The following ITPR3 variants were observed in gnomAD, a reference collection of about 807,000 sequenced individuals.
ITPR3 encodes the protein inositol 1,4,5-trisphosphate-gated calcium channel ITPR3.
A neutral mutation model predicts 293.2 loss-of-function variants in ITPR3; 173 were observed. The observed-to-expected ratio is 0.59, with a 90% confidence interval of 0.52 to 0.67. The LOEUF (loss-of-function observed/expected upper bound fraction) is 0.67, where lower values mean the gene tolerates loss of function less well. Ranked by LOEUF, ITPR3 falls within the 30% of genes least tolerant of loss-of-function variation. ITPR3 has a pLI of 0.00. For missense variants in ITPR3, 2,796 were observed against 3,592.1 expected, an observed-to-expected ratio of 0.78 and a Z score of 5.66; for synonymous variants, 1,295 against 1,444.4, an observed-to-expected ratio of 0.90 and a Z score of 2.35.
chr6:33,669,007 C>T lies in ITPR3; in HGVS notation c.2040C>T (p.His680=). ...LRPVKEMAQS[H]EYLSIEYSEE... ...CCGTGAAGGAGATGGCCCAATCCCA[C>T]GAGTACCTGAGCATCGAGTACTCAG... The change falls in exon 18 of 58, where the codon CAC becomes CAT. Residue 680 remains histidine, a synonymous_variant. Transcript: ENST00000605930. 3.1e-6 allele frequency: 5 copies of T among 1,614,024 alleles called. No homozygotes were observed. Among genetic ancestry groups the T allele is most frequent in the South Asian group, 1.1e-5 (1 of 91,082 alleles).
chr6:33,621,634 G>T lies in ITPR3; in HGVS notation c.32G>T (p.Gly11Val). 6.2e-7 allele frequency: 1 copy of T among 1,609,402 alleles called. No individual in the cohort carries two copies. Residue 11 changes from glycine to valine, a missense_variant, in exon 1 of 58, where the codon GGG becomes GTG. Transcript: ENST00000605930. The surrounding 1 kb of genome is among the most constrained non-coding windows in gnomAD (Gnocchi z 7.7). ...GAAATGTCCAGCTTTCTTCACATCG[G>T]GGACATCGTCTCCCTGTACGCCGAG... MSEMSSFLHI[G>V]DIVSLYAEGS... is the part of the protein sequence containing the mutation.
chr6:33,674,535 T>G (rs1764855655), intron 24 of ITPR3, among the ~76,000 whole-genome samples: 1 of 152,198 alleles, frequency 6.6e-6, no homozygotes, highest in African/African-American at 2.4e-5. Flanking sequence ...GTCAGGTAGC[T>G]GGACAGCTGG....
Position 33,665,103 on chromosome 6 carries a change from A to G in ITPR3, c.1299A>G (p.Ser433=), listed in dbSNP as rs753117025. The change falls in exon 13 of 58, where the codon TCA becomes TCG. Residue 433 remains serine (S), a synonymous_variant. Coordinates refer to ENST00000605930, the MANE Select transcript of ITPR3 (RefSeq NM_002224.4). ...ACAAGGAGGCCTTTGCCATCGTGTC[A>G]GTGCCCGTGTCTGAGATCCGAGACC... The part of the protein sequence containing the change: ...KEDKEAFAIV[S]VPVSEIRDLD... 8 of 1,614,002 alleles carry G rather than the reference A, an allele frequency of 5.0e-6. No homozygotes were observed. The highest frequency in any genetic ancestry group is 1.3e-5 in the African/African-American group (1 of 74,934).
Position 33,688,686 on chromosome 6 carries a change from G to A in ITPR3, c.6599G>A (p.Arg2200His), listed in dbSNP as rs1486387851. ...CCGCTGATCTACTGGTTCTCCCGCC[G>A]CATGACCCTGTGGGGCAGCATCTCC... is the stretch of plus-strand genomic sequence containing the variant. ...SMPLIYWFSR[R>H]MTLWGSISFN... Residue 2200 changes from arginine (R) to histidine (H), a missense_variant, in exon 49 of 58, where the codon CGC becomes CAC. Physicochemically the swap from Arg to His is conservative, Grantham distance 29. Around this residue, in one of 8 missense-constraint regions of ITPR3, gnomAD observed 568 missense variants for 796.1 expected, o/e 0.71. Transcript: ENST00000605930. 12 of 1,614,168 alleles carry A rather than the reference G, an allele frequency of 7.4e-6. No individual in the cohort carries two copies. Among genetic ancestry groups the A allele is most frequent in the Middle Eastern group, 1.6e-4 (1 of 6,062 alleles).
rs183870497 is a variant in ITPR3 at position 33,646,401 on chromosome 6, A to T, written c.160+5847A>T. ...CCCTCCACCACTGCCTCTTTAGGTC[A>T]TCACTGTCTTTAATTGCTTATGTCT... On this transcript the variant is annotated intron_variant, in intron 2 of 57. Transcript: ENST00000605930. Among the ~76,000 whole-genome samples the T allele has an allele frequency of 8.7e-3, 1,021 of 117,870 alleles. 11 individuals carry two copies. The highest frequency in any genetic ancestry group is 0.029 in the African/African-American group (896 of 30,388). 77.3% of individuals were successfully genotyped at this position (117,870 alleles called of 152,430 possible). A position where few individuals can be genotyped will look rare whatever the true frequency, so the allele number is the denominator to read the frequency against.
In ITPR3 at chr6:33,669,122, A is replaced by T. The variant is rs762257425; in HGVS notation, c.2155A>T (p.Asn719Tyr). 6.2e-7 allele frequency: 1 copy of T among 1,613,982 alleles called. No homozygotes were observed. The highest frequency in any genetic ancestry group is 1.3e-5 in the African/African-American group (1 of 74,918). ...RQLAQEARAG[N>Y]AHDENVLSYY... ...GCTGGCCCAGGAGGCGCGGGCCGGC[A>T]ACGCCCACGACGAGAATGTGCTCAG... The change falls in exon 18 of 58, where the codon AAC becomes TAC. Residue 719 changes from asparagine (N) to tyrosine (Y), a missense_variant. By Grantham distance (143) the Asn-to-Tyr change is moderately radical. Transcript: ENST00000605930.
Position 33,679,022 on chromosome 6 carries a change from T to TG in ITPR3, c.3972+186dup, listed in dbSNP as rs1200557181. ...TGCAGATGTGGTAGAACTCAGCCTG[T>TG]GGGCCTGATAGAACTCAAGCAGGGT... On this transcript the variant is annotated intron_variant, in intron 30 of 57. Transcript: ENST00000605930. This position sits in a 1 kb window ranked among gnomAD's most constrained non-coding sequence, Gnocchi z 4.2. Among the ~76,000 whole-genome samples the TG allele has an allele frequency of 1.3e-5, 2 of 152,234 alleles. No homozygotes were observed. The highest frequency in any genetic ancestry group is 1.3e-4 in the Admixed American group (2 of 15,284).
chr6:33,694,090 C>T (rs1009701909), intron 56 of ITPR3, among the ~76,000 whole-genome samples: 17 of 152,144 alleles, frequency 1.1e-4, no homozygotes, highest in Admixed American at 5.2e-4. Flanking sequence ...AGACCCTGCC[C>T]GTGGCCAGTG....
Position 33,677,504 on chromosome 6 carries a change from A to G in ITPR3, c.3523A>G (p.Ile1175Val), listed in dbSNP as rs1483752660. The change falls in exon 28 of 58, where the codon ATC becomes GTC. Residue 1175 changes from isoleucine to valine, a missense_variant and splice_region_variant. This residue lies in a region of ITPR3 where 344 missense variants were observed against 460.3 expected (regional missense o/e 0.75). Transcript: ENST00000605930. Reference sequence around the variant, plus strand: ...TCTGGCTCACCCGCCTCCCCTGCAGATCCTGGAAAGGCTGAACAAGATGTG... The same window carrying G: ...TCTGGCTCACCCGCCTCCCCTGCAGGTCCTGGAAAGGCTGAACAAGATGTG... ...SSENYQIVKGILERLNKMCGV... is the reference protein window; with the variant it reads ...SSENYQIVKGVLERLNKMCGV... 1.2e-6 allele frequency: 2 copies of G among 1,613,768 alleles called. No homozygotes were observed. The highest frequency in any genetic ancestry group is 2.2e-5 in the East Asian group (1 of 44,884).
intron 57 of ITPR3, 80 bp downstream of exon 57, chr6:33,695,165 C>T: frequency 3.4e-6 from 5 of 1,482,658 alleles, no homozygotes; most frequent in Non-Finnish European, 4.6e-6. Context: ...CTTCCTGACC[C>T]ACCCTCTTCC....
In ITPR3 at chr6:33,666,605, GT is replaced by G. The variant is rs34014770; in HGVS notation, c.1552-511del. 1.9e-4 allele frequency among the ~76,000 whole-genome samples: 27 copies of G among 144,618 alleles called. No individual in the cohort carries two copies. The highest frequency in any genetic ancestry group is 2.1e-4 in the Admixed American group (3 of 14,534). 94.9% of individuals were successfully genotyped at this position (144,618 alleles called of 152,430 possible). On this transcript the variant is annotated intron_variant, in intron 14 of 57. Coordinates refer to ENST00000605930, the MANE Select transcript of ITPR3 (RefSeq NM_002224.4). This position sits in a 1 kb window ranked among gnomAD's most constrained non-coding sequence, Gnocchi z 5.1. ...TTCCCAGAATGTCTTTGTAAAGTTT[GT>G]TTTTTTTTTTTTAGAAACGAGGATC...
chr6:33,670,358 G>C lies in ITPR3; in HGVS notation c.2223G>C (p.Leu741Phe). The C allele has an allele frequency of 6.2e-7, 1 of 1,614,036 alleles. No individual in the cohort carries two copies. Among genetic ancestry groups the C allele is most frequent in the Non-Finnish European group, 8.5e-7 (1 of 1,180,040 alleles). The change falls in exon 19 of 58, where the codon TTG (leucine) becomes TTC (phenylalanine). Residue 741 changes from leucine (L) to phenylalanine (F), a missense_variant. Physicochemically the swap from Leu to Phe is conservative, Grantham distance 22 (BLOSUM62 0). Around this residue, in one of 8 missense-constraint regions of ITPR3, gnomAD observed 955 missense variants for 1,180.8 expected, o/e 0.81. Transcript: ENST00000605930. This position sits in a 1 kb window ranked among gnomAD's most constrained non-coding sequence, Gnocchi z 6.7. Reference sequence around the variant, plus strand: ...TGAAGCTCTTTGCCCGCATGTGCTTGGACCGCCAGTACTTGGCCATCGACG... The same window carrying C: ...TGAAGCTCTTTGCCCGCATGTGCTTCGACCGCCAGTACTTGGCCATCGACG... The part of the protein sequence containing the change: ...YQLKLFARMC[L>F]DRQYLAIDEI...
rs1182817186 is a variant in ITPR3, at chr6:33,665,211, C to G, written c.1407C>G (p.Arg469=). 1 of 1,612,968 alleles carries G rather than the reference C, an allele frequency of 6.2e-7. No homozygotes were observed. The highest frequency in any genetic ancestry group is 1.7e-5 in the Admixed American group (1 of 59,982). The change falls in exon 13 of 58, where the codon CGC becomes CGG. Residue 469 remains arginine (R), a splice_region_variant and synonymous_variant. Coordinates refer to ENST00000605930, the MANE Select transcript of ITPR3 (RefSeq NM_002224.4). The stretch of plus-strand genomic sequence containing the variant: ...AGGGCTTCATCAGCCAGAATGACCG[C>G]AGGTGGGCTGCAGTGGCACAGGGGT... ...LNEGFISQND[R]RFVIQLLEDL...
rs983272874 is a variant in ITPR3 at position 33,624,628 on chromosome 6, C to T, written c.89+2937C>T. ...GAACTCTGGTCCCCTCTGCTTTTCC[C>T]GAGGCTGTTGGTGCCCATGTCTGTG... On this transcript the variant is annotated intron_variant, in intron 1 of 57. Transcript: ENST00000605930. The surrounding 1 kb of genome is among the most constrained non-coding windows in gnomAD (Gnocchi z 4.7). 1.3e-5 allele frequency among the ~76,000 whole-genome samples: 2 copies of T among 152,232 alleles called. No homozygotes were observed. The highest frequency in any genetic ancestry group is 2.1e-4 in the South Asian group (1 of 4,832).
At chr6:33,635,948 GGT>G (rs1237140660) in intron 1 of ITPR3, among the ~76,000 whole-genome samples, 2 of 151,880 alleles carry the variant, frequency 1.3e-5, no homozygotes, top group Non-Finnish European at 2.9e-5. Flanking sequence ...GGGTGGTTCT[GGT>G]GAGTTCTGAG....
Position 33,643,407 on chromosome 6 carries a change from C to T in ITPR3, c.160+2853C>T, listed in dbSNP as rs559976728. 3.9e-5 allele frequency among the ~76,000 whole-genome samples: 6 copies of T among 152,328 alleles called. No homozygotes were observed. In the East Asian group the frequency reaches 5.8e-4, roughly 15 times the overall value. On this transcript the variant is annotated intron_variant, in intron 2 of 57. Coordinates refer to ENST00000605930, the MANE Select transcript of ITPR3 (RefSeq NM_002224.4). ...TTGTGGCTTCAGCTCCAGCCACCTT[C>T]GAAGCCACCCTAAGCCCCAACATGT... is the stretch of plus-strand genomic sequence containing the variant.
rs149593819 is a variant in ITPR3 at position 33,691,082 on chromosome 6, G to A, written c.7198G>A (p.Asp2400Asn). 12 of 1,613,984 alleles carry A rather than the reference G, an allele frequency of 7.4e-6. No homozygotes were observed. In the African/African-American group the frequency reaches 9.3e-5, roughly 13 times the overall value. The change falls in exon 52 of 58, where the codon GAC becomes AAC. Residue 2400 changes from aspartate to asparagine, a missense_variant. By Grantham distance (23) the Asp-to-Asn change is conservative. This residue lies in a region of ITPR3 where 568 missense variants were observed against 796.1 expected (regional missense o/e 0.71). Transcript: ENST00000605930. The surrounding 1 kb of genome is among the most constrained non-coding windows in gnomAD (Gnocchi z 4.9). ...CAAGGATGACTTCATTCTCGAGGTC[G>A]ACCGGCTGCCCAACAACCACTCCAC... ...FLKDDFILEVDRLPNNHSTAS... is the reference protein window; with the variant it reads ...FLKDDFILEVNRLPNNHSTAS...
Position 33,668,631 on chromosome 6 carries a change from C to A in ITPR3, c.2003C>A (p.Thr668Asn). The A allele has an allele frequency of 6.2e-7, 1 of 1,614,190 alleles. No individual in the cohort carries two copies. Among genetic ancestry groups the A allele is most frequent in the Non-Finnish European group, 8.5e-7 (1 of 1,180,030 alleles). ...DPKNSDILIR[T>N]ELRPVKEMAQ... Reference sequence around the variant, plus strand: ...AAGAACAGTGACATTCTCATCCGGACCGAGTGAGCCCTGTGCCCCCTGCCC... The same window carrying A: ...AAGAACAGTGACATTCTCATCCGGAACGAGTGAGCCCTGTGCCCCCTGCCC... Residue 668 changes from threonine to asparagine, a missense_variant, in exon 17 of 58, where the codon ACC becomes AAC. Around this residue, in one of 8 missense-constraint regions of ITPR3, gnomAD observed 955 missense variants for 1,180.8 expected, o/e 0.81. Transcript: ENST00000605930.
chr6:33,684,337 T>C lies in ITPR3; in HGVS notation c.4938-20T>C. On this transcript the variant is annotated intron_variant, in intron 36 of 57. Transcript: ENST00000605930. The surrounding 1 kb of genome is among the most constrained non-coding windows in gnomAD (Gnocchi z 4.2). ...GAGGCAGTGTGGGGCTGCCCTGAGC[T>C]GCCTCCTTGGCCGGCTCAGGCTGAT... 1 of 1,609,516 alleles carries C rather than the reference T, an allele frequency of 6.2e-7. No homozygotes were observed. Among genetic ancestry groups the C allele is most frequent in the African/African-American group, 1.3e-5 (1 of 74,948 alleles).
Sources: allele counts gnomAD v4.1 joint callset (sites outside exome capture counted in the v4.1 genomes callset), GRCh38; gene constraint gnomAD v4.1.1; regional missense constraint gnomAD v4.1.1; non-coding constraint Gnocchi (gnomAD v3.1); transcripts MANE v1.5; gene names NCBI Gene and HGNC (gene_info 2026-07-23, HGNC 2026-07-21).